NTM: variants seen among roughly 807,000 people sequenced by gnomAD.
The protein encoded by NTM is neurotrimin, also known as IgLON family member 2.
NTM carries 13 observed loss-of-function variants against 42.1 expected under a neutral mutation model. That is an observed-to-expected ratio of 0.31 (90% CI 0.20 to 0.49). The LOEUF is 0.49. Among genes scored for constraint, NTM ranks in the 20% least tolerant of loss-of-function variants. The pLI, the probability that NTM is intolerant of heterozygous loss-of-function variation, is 0.99. For missense variants in NTM, 373 were observed against 452.8 expected, an observed-to-expected ratio of 0.82 and a Z score of 1.60; for synonymous variants, 187 against 179.2, an observed-to-expected ratio of 1.04 and a Z score of -0.35.
intron 1 of NTM, among the ~76,000 whole-genome samples, chr11:131,710,663 T>A (rs1322803269): frequency 1.3e-5 from 2 of 152,160 alleles, no homozygotes; most frequent in African/African-American, 2.4e-5. Flanking sequence ...GTAAAAAAAA[T>A]GCAGACTCTC....
intron 1 of NTM, among the ~76,000 whole-genome samples, chr11:131,764,930 C>T (rs925119761): frequency 6.6e-6 from 1 of 152,144 alleles, no homozygotes; most frequent in Admixed American, 6.5e-5. Flanking sequence ...CTGATTAAAT[C>T]ATCACAGCTA....
chr11:132,262,641 C>A (rs1351854415), intron 4 of NTM, among the ~76,000 whole-genome samples: 1 of 152,150 alleles, frequency 6.6e-6, no homozygotes. Context: ...AAGCTAATCA[C>A]CTCCCAAATG....
At chr11:131,671,939 C>T (rs1002711449) in intron 1 of NTM, among the ~76,000 whole-genome samples, 6 of 152,156 alleles carry the variant, frequency 3.9e-5, no homozygotes, top group Admixed American at 6.5e-5. Context: ...TCTGTCCCGG[C>T]TCCACCTGAG....
At chr11:131,789,798 T>C (rs1365619227) in intron 1 of NTM, among the ~76,000 whole-genome samples, 1 of 90,142 alleles carries the variant, frequency 1.1e-5, no homozygotes, top group Non-Finnish European at 2.5e-5. Flanking sequence ...CTACTAAAAA[T>C]ACAAAAAATT....
intron 1 of NTM, among the ~76,000 whole-genome samples, chr11:131,434,872 T>A (rs1228899230): frequency 6.6e-6 from 1 of 152,242 alleles, no homozygotes; most frequent in Non-Finnish European, 1.5e-5. Flanking sequence ...CCCATGCCTA[T>A]GTCCTGAATG....
chr11:132,290,949 T>G (rs191506286), intron 4 of NTM, among the ~76,000 whole-genome samples: 1 of 152,116 alleles, frequency 6.6e-6, no homozygotes, highest in East Asian at 1.9e-4. Flanking sequence ...GAATTATGAG[T>G]TGTTTCCGTT....
chr11:132,151,552 T>C (rs1049681883), intron 3 of NTM, among the ~76,000 whole-genome samples: 3 of 152,218 alleles, frequency 2.0e-5, no homozygotes, highest in Non-Finnish European at 4.4e-5. Context: ...AAAAAGCTTT[T>C]AGCCTCTTTG....
At chr11:132,116,387 T>A (rs1037821499) in intron 2 of NTM, among the ~76,000 whole-genome samples, 2 of 152,160 alleles carry the variant, frequency 1.3e-5, no homozygotes, top group African/African-American at 4.8e-5. Flanking sequence ...TACTTTCTCC[T>A]ACTCTTCCAT....
At chr11:132,295,390 T>C (rs1040057336) in intron 4 of NTM, among the ~76,000 whole-genome samples, 1 of 152,144 alleles carries the variant, frequency 6.6e-6, no homozygotes, top group African/African-American at 2.4e-5. Context: ...GCTATAGATA[T>C]TGGAGATGTA....
chr11:132,301,598 A>G (rs944850172), intron 4 of NTM, among the ~76,000 whole-genome samples: 1 of 152,214 alleles, frequency 6.6e-6, no homozygotes, highest in Non-Finnish European at 1.5e-5. Context: ...TTGAATGTTC[A>G]TCAGCCATCA....
intron 3 of NTM, among the ~76,000 whole-genome samples, chr11:132,209,269 A>G (rs1014199309): frequency 6.6e-6 from 1 of 152,236 alleles, no homozygotes; most frequent in East Asian, 1.9e-4. Context: ...TGATATAACC[A>G]TAAATGGCAT....
chr11:132,073,705 G>T (rs1374925473), intron 2 of NTM, among the ~76,000 whole-genome samples: 2 of 152,154 alleles, frequency 1.3e-5, no homozygotes, highest in African/African-American at 4.8e-5. Context: ...AGGAGTCCAG[G>T]TTCCTGTGTG....
chr11:131,944,214 G>A (rs2060110627), intron 2 of NTM, among the ~76,000 whole-genome samples: 1 of 152,188 alleles, frequency 6.6e-6, no homozygotes, highest in Non-Finnish European at 1.5e-5. Context: ...GAAATACTAG[G>A]TACAGAGTAA....
At chr11:131,942,337 A>G (rs191039033) in intron 2 of NTM, among the ~76,000 whole-genome samples, 107 of 152,230 alleles carry the variant, frequency 7.0e-4, no homozygotes, top group Middle Eastern at 3.4e-3. Context: ...TGATTTGGGG[A>G]CTTGGACTCC....
chr11:131,526,592 G>A (rs2050517906), intron 1 of NTM, among the ~76,000 whole-genome samples: 1 of 152,326 alleles, frequency 6.6e-6, no homozygotes, highest in Admixed American at 6.5e-5. Flanking sequence ...TTAAGTAGAG[G>A]CAGCTCTAAT....
chr11:131,976,220 G>A (rs1352492204), intron 2 of NTM, among the ~76,000 whole-genome samples: 1 of 149,370 alleles, frequency 6.7e-6, no homozygotes, highest in Non-Finnish European at 1.5e-5. Flanking sequence ...TAAGCTTAAT[G>A]GGATGAAGTC....
At chr11:132,293,885 G>A (rs1244948162) in intron 4 of NTM, among the ~76,000 whole-genome samples, 1 of 152,036 alleles carries the variant, frequency 6.6e-6, no homozygotes, top group Non-Finnish European at 1.5e-5. Context: ...TCTAGAGGCC[G>A]CTCAGCCTGC....
chr11:131,840,989 C>T (rs969596537), intron 1 of NTM, among the ~76,000 whole-genome samples: 1 of 152,144 alleles, frequency 6.6e-6, no homozygotes, highest in African/African-American at 2.4e-5. Flanking sequence ...TATGGTCTTC[C>T]AGCAGTACAA....
At chr11:131,444,203 C>CAAAAACAAA (rs1949847421) in intron 1 of NTM, among the ~76,000 whole-genome samples, 1 of 49,504 alleles carries the variant, frequency 2.0e-5, no homozygotes, top group Non-Finnish European at 3.6e-5. Context: ...AGGTTAGAAC[C>CAAAAACAAA]AAAAAAAAAA....
Sources: allele counts gnomAD v4.1 joint callset (sites outside exome capture counted in the v4.1 genomes callset), GRCh38; gene constraint gnomAD v4.1.1; transcripts MANE v1.5; gene names NCBI Gene and HGNC (gene_info 2026-07-23, HGNC 2026-07-21).